ARSG: variants seen among roughly 807,000 people sequenced by gnomAD.
ARSG encodes ASG.
Under a neutral mutation model 50.5 loss-of-function variants are expected in ARSG, and 37 were observed. The observed-to-expected ratio is 0.73, with a 90% CI of 0.56 to 0.96. ARSG has a LOEUF of 0.96. Ranked by LOEUF, ARSG falls within the 50% of genes least tolerant of loss-of-function variation. The probability of loss-of-function intolerance (pLI) is 0.00; values close to 1 mark genes in which losing one functional copy is unlikely to be tolerated. For missense variants in ARSG, 629 were observed against 675.3 expected (o/e 0.93, Z 0.76); for synonymous variants, 225 against 254.6 (o/e 0.88, Z 1.11).
chr17:68,346,294 A>C (rs919629314), intron 3 of ARSG, among the ~76,000 whole-genome samples: 5 of 152,020 alleles, frequency 3.3e-5, no homozygotes, highest in African/African-American at 1.2e-4. Context: ...ACCGATTCTT[A>C]ATTTTTGCTA....
At chr17:68,334,858 A>G (rs1480209948) in intron 2 of ARSG, among the ~76,000 whole-genome samples, 1 of 152,156 alleles carries the variant, frequency 6.6e-6, no homozygotes, top group Non-Finnish European at 1.5e-5. Context: ...CTGAGCCCAG[A>G]AACTGGCATG....
At chr17:68,341,968 C>T (rs1464880998) in intron 2 of ARSG, among the ~76,000 whole-genome samples, 3 of 150,602 alleles carry the variant, frequency 2.0e-5, no homozygotes, top group African/African-American at 7.3e-5. Flanking sequence ...TACAGGCATG[C>T]ACCACCATGC....
the ARSG span, chr17:68,444,456 A>G: frequency 6.3e-7 from 1 of 1,582,030 alleles, no homozygotes; most frequent in Non-Finnish European, 8.7e-7. Context: ...CCAGGACATG[A>G]AATTTCAGGG....
chr17:68,274,014 C>A (rs147731514), intron 1 of ARSG: 10 of 1,614,144 alleles, frequency 6.2e-6, no homozygotes, highest in South Asian at 1.1e-5. Context: ...AGTAGCCCCC[C>A]CAACATCACT....
At chr17:68,347,028 G>A (rs1013993438) in intron 3 of ARSG, 97 bp from the exon 4 acceptor site, 12 of 1,572,810 alleles carry the variant, frequency 7.6e-6, no homozygotes, top group Middle Eastern at 1.7e-4. Context: ...AGTGCGAGGC[G>A]AAGCTAATGG....
chr17:68,334,264 G>A (rs1230237580), intron 2 of ARSG, among the ~76,000 whole-genome samples: 1 of 152,172 alleles, frequency 6.6e-6, no homozygotes, highest in Non-Finnish European at 1.5e-5. Flanking sequence ...GATGTCCATT[G>A]CTGTTTGTCA....
intron 8 of ARSG, among the ~76,000 whole-genome samples, chr17:68,383,142 A>G (rs1437139778): frequency 6.6e-6 from 1 of 152,184 alleles, no homozygotes; most frequent in Non-Finnish European, 1.5e-5. Context: ...CGTATTAGGA[A>G]AGTCAGTCAC....
At chr17:68,352,627 A>C (rs905874507) in intron 5 of ARSG, among the ~76,000 whole-genome samples, 2 of 150,864 alleles carry the variant, frequency 1.3e-5, no homozygotes, top group Non-Finnish European at 2.9e-5. Context: ...CTCTTGCCTC[A>C]GCCTCTTGAG....
chr17:68,287,880 T>C (rs181381221), upstream of ARSG, among the ~76,000 whole-genome samples: 305 of 152,258 alleles, frequency 2.0e-3, 5 homozygotes, highest in Middle Eastern at 0.017. Flanking sequence ...AAGTGCTTGG[T>C]TGCAGAATAA....
chr17:68,294,209 A>G (rs782676205), intron 1 of ARSG, among the ~76,000 whole-genome samples: 1 of 152,102 alleles, frequency 6.6e-6, no homozygotes, highest in Non-Finnish European at 1.5e-5. Flanking sequence ...CAAGACCATC[A>G]TGATGCCCTT....
chr17:68,364,168 C>G (rs577764284), intron 6 of ARSG, among the ~76,000 whole-genome samples: 29 of 152,256 alleles, frequency 1.9e-4, no homozygotes, highest in African/African-American at 6.5e-4. Flanking sequence ...TCTCCACACC[C>G]TGCCCCATCC....
chr17:68,383,116 G>A (rs559651021), intron 8 of ARSG, among the ~76,000 whole-genome samples: 12 of 152,262 alleles, frequency 7.9e-5, no homozygotes, highest in South Asian at 4.1e-4. Flanking sequence ...ACATTGAAAC[G>A]TTTTTCTCTG....
At chr17:68,303,083 G>A (rs1568439421) in intron 1 of ARSG, among the ~76,000 whole-genome samples, 1 of 152,076 alleles carries the variant, frequency 6.6e-6, no homozygotes, top group Non-Finnish European at 1.5e-5. Flanking sequence ...TTTGTTCTAG[G>A]GGCTAGATGC....
At chr17:68,324,365 G>A (rs908273491) in intron 2 of ARSG, among the ~76,000 whole-genome samples, 2 of 152,116 alleles carry the variant, frequency 1.3e-5, no homozygotes, top group Admixed American at 6.5e-5. Context: ...TCAGGCTCTC[G>A]GGGCTGGCAC....
intron 6 of ARSG, among the ~76,000 whole-genome samples, chr17:68,360,981 C>A (rs2079257056): frequency 6.6e-6 from 1 of 152,124 alleles, no homozygotes; most frequent in African/African-American, 2.4e-5. Context: ...CCCGCCACCA[C>A]ACCCAGCTAA....
chr17:68,356,503 A>G (rs369454421), intron 5 of ARSG, among the ~76,000 whole-genome samples, 164 bp from the exon 6 acceptor site: 15 of 152,392 alleles, frequency 9.8e-5, no homozygotes, highest in South Asian at 2.1e-4. Context: ...GGAAGAAAGC[A>G]TTATGCATAG....
chr17:68,341,271 A>G (rs1000535802), intron 2 of ARSG, among the ~76,000 whole-genome samples: 1 of 152,086 alleles, frequency 6.6e-6, no homozygotes, highest in Non-Finnish European at 1.5e-5. Flanking sequence ...TTTTTTAATT[A>G]TAGGGTCTGC....
chr17:68,273,680 A>T (rs2302095), intron 1 of ARSG, among the ~76,000 whole-genome samples: 27,908 of 152,190 alleles, frequency 0.18, 3,201 homozygotes, highest in Middle Eastern at 0.3. Flanking sequence ...CTGCAAATAC[A>T]GCAAAAGAGA....
the ARSG span, chr17:68,450,967 ACT>A: frequency 6.5e-7 from 1 of 1,542,564 alleles, no homozygotes; most frequent in Non-Finnish European, 8.7e-7. Flanking sequence ...CCTCCATGAC[ACT>A]GGGCCCGGCG....
Sources: gnomAD v4.1 joint callset for allele counts (sites outside exome capture counted in the v4.1 genomes callset) on GRCh38, gnomAD v4.1.1 for gene constraint, MANE v1.5 for transcripts, NCBI Gene and HGNC (gene_info 2026-07-23, HGNC 2026-07-21) for gene names.